The following SPRY3 variants were observed in gnomAD, a reference collection of about 807,000 sequenced individuals.
SPRY3 encodes sprouty RTK signaling antagonist 3.
In SPRY3, 15 loss-of-function variants were observed where a neutral mutation model predicts 20.2. The observed-to-expected ratio is 0.74, with a 90% CI of 0.50 to 1.14. The LOEUF is 1.14. Among genes scored for constraint, SPRY3 ranks in the 50% most tolerant of loss-of-function variants. The probability of loss-of-function intolerance (pLI) is 0.00; values close to 1 mark genes in which losing one functional copy is unlikely to be tolerated. For synonymous variants in SPRY3, 143 were observed against 136.5 expected, an observed-to-expected ratio of 1.05 and a Z score of -0.33; for missense variants, 364 against 363.9, an observed-to-expected ratio of 1.00 and a Z score of 0.00.
At chrX:155,684,692 A>G (rs2068082769) in intron 2 of SPRY3, among the ~76,000 whole-genome samples, 1 of 111,648 alleles carries the variant, frequency 9.0e-6, no homozygotes, top group East Asian at 2.8e-4. Context: ...TTTTACCCAG[A>G]TATTTACTAT....
At chrX:155,774,097 C>T in exon 4 of SPRY3, 1 of 1,613,984 alleles carries the variant, frequency 6.2e-7, no homozygotes, top group Non-Finnish European at 8.5e-7. Flanking sequence ...GCAGCCCTTG[C>T]CTCAGCATCT....
intron 3 of SPRY3, among the ~76,000 whole-genome samples, chrX:155,769,665 T>C (rs752706649): frequency 1.3e-5 from 2 of 152,336 alleles, no homozygotes; most frequent in Non-Finnish European, 2.9e-5. Flanking sequence ...AAAAGACCTA[T>C]ATCTTTTAAC....
chrX:155,719,326 A>G (rs2091041391), intron 2 of SPRY3, among the ~76,000 whole-genome samples: 1 of 152,128 alleles, frequency 6.6e-6, no homozygotes, highest in Admixed American at 6.6e-5. Context: ...TGAGTTGTGC[A>G]AGCCTTGCTA....
intron 1 of SPRY3, among the ~76,000 whole-genome samples, chrX:155,640,596 A>G (rs782159494): frequency 9.2e-6 from 1 of 109,126 alleles, no homozygotes; most frequent in South Asian, 3.9e-4. Flanking sequence ...GTCCTCTTAA[A>G]TTTCTTTCAT....
intron 2 of SPRY3, among the ~76,000 whole-genome samples, chrX:155,750,238 T>C (rs1379804261): frequency 6.6e-6 from 1 of 151,710 alleles, no homozygotes; most frequent in African/African-American, 2.4e-5. Context: ...TGGGTACACA[T>C]GAACATAAAG....
At chrX:155,735,324 CT>C (rs2091160939) in intron 2 of SPRY3, among the ~76,000 whole-genome samples, 2 of 151,972 alleles carry the variant, frequency 1.3e-5, no homozygotes, top group Non-Finnish European at 2.9e-5. Flanking sequence ...AATTGACATT[CT>C]ATGTCAATCA....
At position 155,689,811 on chromosome X, in the gene SPRY3, A is replaced by T. The variant is rs761056387; in HGVS notation, c.-282+32786A>T. On this transcript the variant is annotated intron_variant, in intron 2 of 3. Transcript: ENST00000675360. ...CTTTTGAATGGTTTCTCATGTCTCA[A>T]TCTTCTTCAGTTCAGCTCTGATTTT... Among the ~76,000 whole-genome samples the T allele has an allele frequency of 1.5e-4, 13 of 84,016 alleles. 2 individuals are homozygous for T. The East Asian group carries it at 4.5e-3, about 29-fold the overall frequency. 73.0% of individuals were successfully genotyped at this position (84,016 alleles called of 115,157 possible). A position where few individuals can be genotyped will look rare whatever the true frequency, so the allele number is the denominator to read the frequency against.
chrX:155,659,511 T>C (rs1375795724), intron 2 of SPRY3, among the ~76,000 whole-genome samples: 1 of 110,947 alleles, frequency 9.0e-6, no homozygotes, highest in Non-Finnish European at 1.9e-5. Context: ...TCCCTTTTCA[T>C]TGTGTCCTTA....
chrX:155,777,946 T>C (rs1205136294), downstream of SPRY3: 1 of 166,846 alleles, frequency 6.0e-6, no homozygotes, highest in Non-Finnish European at 1.5e-5. Context: ...CAATAATAAA[T>C]ATAGTGAATA....
intron 2 of SPRY3, among the ~76,000 whole-genome samples, chrX:155,712,413 A>C (rs1287574307): frequency 6.6e-6 from 1 of 151,876 alleles, no homozygotes; most frequent in Non-Finnish European, 1.5e-5. Flanking sequence ...TCTCTTGCTG[A>C]ATTGGCCCCA....
intron 2 of SPRY3, among the ~76,000 whole-genome samples, chrX:155,750,338 C>G (rs1384042858): frequency 6.6e-6 from 1 of 151,764 alleles, no homozygotes; most frequent in Admixed American, 6.6e-5. Flanking sequence ...TGCTCACTAC[C>G]TGGGTGACGG....
At chrX:155,697,438 T>C (rs1161943428) in intron 2 of SPRY3, among the ~76,000 whole-genome samples, 2 of 109,251 alleles carry the variant, frequency 1.8e-5, no homozygotes, top group Non-Finnish European at 3.8e-5. Flanking sequence ...AATGGAAGAC[T>C]GTGAGACTTC....
chrX:155,765,738 G>C (rs776502239), intron 2 of SPRY3, among the ~76,000 whole-genome samples: 3 of 152,268 alleles, frequency 2.0e-5, no homozygotes, highest in African/African-American at 7.2e-5. Context: ...AGGCAACCCA[G>C]CTATTCAACT....
intron 2 of SPRY3, among the ~76,000 whole-genome samples, chrX:155,704,128 CA>C (rs901360970): frequency 6.6e-6 from 1 of 150,656 alleles, no homozygotes; most frequent in East Asian, 1.9e-4. Flanking sequence ...TGTGAAAAGG[CA>C]AAAAAAAGAA....
intron 2 of SPRY3, among the ~76,000 whole-genome samples, chrX:155,689,805 G>T (rs145739507): frequency 0.011 from 967 of 84,236 alleles, 258 homozygotes; most frequent in African/African-American, 0.053. Context: ...GGTTTCTCAT[G>T]TCTCAATCTT....
At position 155,679,302 on chromosome X, in the gene SPRY3, G is replaced by T. The variant is rs996330048; in HGVS notation, c.-282+22277G>T. Reference sequence around the variant, plus strand: ...ATGATGCTATAACAAAATATCTGAGGCTAGGTAACTTATAAGTAACAGAAA... The same window carrying T: ...ATGATGCTATAACAAAATATCTGAGTCTAGGTAACTTATAAGTAACAGAAA... On this transcript the variant is annotated intron_variant, in intron 2 of 3. Coordinates refer to ENST00000675360, the Ensembl canonical transcript of SPRY3. Among the ~76,000 whole-genome samples the T allele has an allele frequency of 2.7e-5, 3 of 111,282 alleles. No homozygotes were observed. In the Admixed American group the frequency reaches 2.9e-4, roughly 11 times the overall value.
At chrX:155,737,108 C>CT (rs1209202733) in intron 2 of SPRY3, among the ~76,000 whole-genome samples, 1 of 152,116 alleles carries the variant, frequency 6.6e-6, no homozygotes, top group African/African-American at 2.4e-5. Flanking sequence ...ATGTTGTTCA[C>CT]TTTTTCCATT....
intron 2 of SPRY3, among the ~76,000 whole-genome samples, chrX:155,672,290 C>T (rs868928405): frequency 4.6e-5 from 5 of 109,747 alleles, no homozygotes; most frequent in African/African-American, 9.9e-5. Context: ...CTACAAAATG[C>T]GAGAAAATTT....
intron 2 of SPRY3, among the ~76,000 whole-genome samples, chrX:155,704,752 G>T (rs1372081779): frequency 6.6e-6 from 1 of 151,388 alleles, no homozygotes; most frequent in Non-Finnish European, 1.5e-5. Context: ...AAAAGACAAA[G>T]AGAAAATCCT....
Sources: gnomAD v4.1 joint callset for allele counts (sites outside exome capture counted in the v4.1 genomes callset) on GRCh38, gnomAD v4.1.1 for gene constraint, MANE v1.5 for transcripts, NCBI Gene and HGNC (gene_info 2026-07-23, HGNC 2026-07-21) for gene names.